BRINP3: variants seen among roughly 807,000 people sequenced by gnomAD.
BRINP3 encodes the protein BMP/retinoic acid-inducible neural-specific protein 3.
A neutral mutation model predicts 71.0 loss-of-function variants in BRINP3; 19 were observed. The observed-to-expected ratio is 0.27, with a 90% CI of 0.19 to 0.39. BRINP3 has a LOEUF of 0.39. Ranked by LOEUF, BRINP3 falls within the 10% of genes least tolerant of loss-of-function variation. The pLI is 1.00. For synonymous variants in BRINP3, 380 were observed against 337.7 expected (o/e 1.13, Z -1.37); for missense variants, 959 against 940.8 (o/e 1.02, Z -0.25).
At chr1:190,334,498 T>C (rs566752598) in intron 2 of BRINP3, among the ~76,000 whole-genome samples, 20 of 151,896 alleles carry the variant, frequency 1.3e-4, no homozygotes, top group Admixed American at 1.3e-3. Flanking sequence ...TGGAGGGAGA[T>C]GGGTGTATTT....
At position 190,244,566 on chromosome 1, in the gene BRINP3, C is replaced by T. The variant is rs142728784; in HGVS notation, c.619-10089G>A. ...AAGCACCTATCACCATCCTGGAAGA[C>T]GATGGCAGCAGAATCCAGGGCATTG... On this transcript the variant is annotated intron_variant, in intron 4 of 7. Coordinates refer to ENST00000367462, the MANE Select transcript of BRINP3 (RefSeq NM_199051.3). Among the ~76,000 whole-genome samples the T allele has an allele frequency of 6.6e-3, 1,003 of 152,130 alleles. 6 individuals are homozygous for T. Among genetic ancestry groups the T allele is most frequent in the African/African-American group, 0.021 (887 of 41,536 alleles).
intron 2 of BRINP3, among the ~76,000 whole-genome samples, chr1:190,407,068 C>A (rs1169835128): frequency 2.6e-5 from 4 of 152,054 alleles, no homozygotes; most frequent in Non-Finnish European, 4.4e-5. Flanking sequence ...AGGGAAAAAC[C>A]AAACTAAAAA....
chr1:190,141,126 A>G (rs1007828304), intron 7 of BRINP3, among the ~76,000 whole-genome samples: 1 of 152,124 alleles, frequency 6.6e-6, no homozygotes, highest in Non-Finnish European at 1.5e-5. Flanking sequence ...CCTGTTTTTC[A>G]TAGGTTTTCT....
chr1:190,392,207 C>G (rs1176638948), intron 2 of BRINP3, among the ~76,000 whole-genome samples: 2 of 151,576 alleles, frequency 1.3e-5, no homozygotes. Context: ...AAACATTCAA[C>G]TAAAGTAATA....
rs1027707363 is a variant in BRINP3, at chr1:190,160,557, G to A, written c.1184+111C>T. ...TATTGTTTTCAAATTATCTCTAATA[G>A]TATAAATTAGATCATGATTTGTATA... On this transcript the variant is annotated intron_variant, in intron 7 of 7. Coordinates refer to ENST00000367462, the MANE Select transcript of BRINP3 (RefSeq NM_199051.3). 5.1e-6 allele frequency: 4 copies of A among 791,146 alleles called. No homozygotes were observed. In the East Asian group the frequency reaches 8.0e-5, roughly 16 times the overall value. 49.0% of individuals were successfully genotyped at this position (791,146 alleles called of 1,614,324 possible). A position where few individuals can be genotyped will look rare whatever the true frequency, so the allele number is the denominator to read the frequency against.
intron 2 of BRINP3, among the ~76,000 whole-genome samples, chr1:190,387,057 T>C (rs964950385): frequency 2.0e-5 from 3 of 151,988 alleles, no homozygotes; most frequent in Non-Finnish European, 4.4e-5. Flanking sequence ...TCATCTCTTC[T>C]GATCATTGTT....
intron 2 of BRINP3, among the ~76,000 whole-genome samples, chr1:190,350,556 A>G (rs1354989239): frequency 6.6e-6 from 1 of 152,172 alleles, no homozygotes; most frequent in Non-Finnish European, 1.5e-5. Flanking sequence ...GCATCCCTGG[A>G]TTCTCTAGCT....
At chr1:190,408,566 C>T (rs890033440) in intron 2 of BRINP3, among the ~76,000 whole-genome samples, 1 of 152,082 alleles carries the variant, frequency 6.6e-6, no homozygotes, top group Non-Finnish European at 1.5e-5. Flanking sequence ...ACATAGTAAA[C>T]ATTAGAATAA....
At chr1:190,107,539 T>C (rs75912000) in intron 7 of BRINP3, among the ~76,000 whole-genome samples, 142 of 152,160 alleles carry the variant, frequency 9.3e-4, no homozygotes, top group African/African-American at 3.3e-3. Context: ...ATATCACTTA[T>C]TTGTAATTAA....
chr1:190,172,523 G>C (rs1314210615), intron 6 of BRINP3, among the ~76,000 whole-genome samples: 3 of 151,992 alleles, frequency 2.0e-5, no homozygotes, highest in Non-Finnish European at 2.9e-5. Flanking sequence ...TTAGTTTATT[G>C]ATTCCCAAAT....
At chr1:190,397,473 C>A (rs1335173732) in intron 2 of BRINP3, among the ~76,000 whole-genome samples, 5 of 151,826 alleles carry the variant, frequency 3.3e-5, no homozygotes, top group African/African-American at 7.3e-5. Context: ...TTTTATCTAC[C>A]CACCCTTAAT....
intron 4 of BRINP3, among the ~76,000 whole-genome samples, chr1:190,251,528 A>G (rs942320900): frequency 2.0e-5 from 3 of 151,980 alleles, no homozygotes; most frequent in Non-Finnish European, 4.4e-5. Context: ...TCTTTGGCCT[A>G]TTTCTGATAT....
intron 1 of BRINP3, among the ~76,000 whole-genome samples, chr1:190,472,652 A>G (rs1677210284): frequency 6.6e-6 from 1 of 151,738 alleles, no homozygotes; most frequent in Admixed American, 6.6e-5. Flanking sequence ...AACATAAGAA[A>G]CTGAATCATA....
At chr1:190,254,177 G>A (rs1199171100) in intron 4 of BRINP3, among the ~76,000 whole-genome samples, 4 of 152,208 alleles carry the variant, frequency 2.6e-5, no homozygotes, top group East Asian at 1.9e-4. Flanking sequence ...TAGACTTGTA[G>A]TATAGTTTGA....
At chr1:190,217,317 ACTT>A (rs1262044565) in intron 6 of BRINP3, among the ~76,000 whole-genome samples, 1 of 151,864 alleles carries the variant, frequency 6.6e-6, no homozygotes, top group East Asian at 1.9e-4. Context: ...CTGCCTCATT[ACTT>A]CTTATATTTT....
At chr1:190,416,806 G>A (rs993258644) in intron 2 of BRINP3, among the ~76,000 whole-genome samples, 3 of 152,062 alleles carry the variant, frequency 2.0e-5, no homozygotes, top group African/African-American at 7.2e-5. Context: ...AGGTTTTGCA[G>A]CTATTGACAG....
chr1:190,268,861 G>A (rs1453493520), intron 3 of BRINP3, among the ~76,000 whole-genome samples: 2 of 152,044 alleles, frequency 1.3e-5, no homozygotes, highest in Admixed American at 6.6e-5. Flanking sequence ...TCTGAAAGTT[G>A]CCATAATAGA....
At chr1:190,191,130 A>G (rs1360938645) in intron 6 of BRINP3, among the ~76,000 whole-genome samples, 2 of 152,146 alleles carry the variant, frequency 1.3e-5, no homozygotes, top group Non-Finnish European at 2.9e-5. Flanking sequence ...ACAATCATCA[A>G]TCATTCAGTT....
intron 3 of BRINP3, among the ~76,000 whole-genome samples, chr1:190,267,514 A>ATGTTAATT (rs1327208275): frequency 6.6e-6 from 1 of 151,082 alleles, no homozygotes; most frequent in Non-Finnish European, 1.5e-5. Context: ...AGTTAACTAC[A>ATGTTAATT]TGATTCTAAA....
Sources: gnomAD v4.1 joint callset for allele counts (sites outside exome capture counted in the v4.1 genomes callset) on GRCh38, gnomAD v4.1.1 for gene constraint, MANE v1.5 for transcripts, NCBI Gene and HGNC (gene_info 2026-07-23, HGNC 2026-07-21) for gene names.